Variants in CCL8 observed in about 807,000 individuals in gnomAD.
CCL8 encodes C-C motif chemokine ligand 8.
A neutral mutation model predicts 6.6 loss-of-function variants in CCL8; 3 were observed. That is an observed-to-expected ratio of 0.45 (90% CI 0.21 to 1.17). CCL8 has a LOEUF of 1.17. CCL8 is among the 50% of genes most tolerant of loss of function. CCL8 has a pLI of 0.24. For missense variants in CCL8, 127 were observed against 118.1 expected (o/e 1.08, Z -0.35); for synonymous variants, 49 against 41.8 (o/e 1.17, Z -0.67).
At position 34,320,349 on chromosome 17, in the gene CCL8, A is replaced by G. The variant is rs779598393; in HGVS notation, c.157A>G (p.Arg53Gly). 5.6e-6 allele frequency: 9 copies of G among 1,613,442 alleles called. No individual in the cohort carries two copies. The South Asian group carries it at 8.8e-5, about 16-fold the overall frequency. The change falls in exon 2 of 3, where the codon AGA becomes GGA. Residue 53 changes from arginine (R) to glycine (G), a missense_variant. Physicochemically the swap from Arg to Gly is moderately radical, Grantham distance 125. Coordinates refer to ENST00000394620, the MANE Select transcript of CCL8 (RefSeq NM_005623.3). ...TATCCAGAGGCTGGAGAGCTACACA[A>G]GAATCACCAACATCCAATGTCCCAA... ...IPIQRLESYT[R>G]ITNIQCPKEA...
intron 1 of CCL8, 118 bp downstream of exon 1, chr17:34,319,695 T>G: frequency 2.3e-5 from 17 of 749,552 alleles, no homozygotes; most frequent in Non-Finnish European, 3.3e-5. Flanking sequence ...GCTGGTTCCC[T>G]TGATCTTTCC....
At position 34,319,484 on chromosome 17, in the gene CCL8, A is replaced by G. The variant is rs771679076; in HGVS notation, c.-18A>G. ...ACCTTCACCTCTCATGCTGAAGCTCACACCCTTGCCCTCCAAGATGAAGGT... is the reference window on the plus strand; with the variant it reads ...ACCTTCACCTCTCATGCTGAAGCTCGCACCCTTGCCCTCCAAGATGAAGGT... On this transcript the variant is annotated 5_prime_UTR_variant, in exon 1 of 3. Coordinates refer to ENST00000394620, the MANE Select transcript of CCL8 (RefSeq NM_005623.3). The G allele has an allele frequency of 6.2e-7, 1 of 1,611,834 alleles. No homozygotes were observed. Among genetic ancestry groups the G allele is most frequent in the South Asian group, 1.1e-5 (1 of 91,034 alleles).
rs1402892466 is a variant in CCL8 at position 34,320,356 on chromosome 17, C to G, written c.164C>G (p.Thr55Ser). 1 of 1,612,836 alleles carries G rather than the reference C, an allele frequency of 6.2e-7. No individual in the cohort carries two copies. The stretch of plus-strand genomic sequence containing the variant: ...AGGCTGGAGAGCTACACAAGAATCA[C>G]CAACATCCAATGTCCCAAGGAAGCT... ...IQRLESYTRI[T>S]NIQCPKEAVI... The change falls in exon 2 of 3, where the codon ACC becomes AGC. Residue 55 changes from threonine to serine, a missense_variant. Coordinates refer to ENST00000394620, the MANE Select transcript of CCL8 (RefSeq NM_005623.3).
rs774771162 is a variant in CCL8 at position 34,320,285 on chromosome 17, A to G, written c.93A>G (p.Pro31=). ...TTCTTTCAGATTCAGTTTCCATTCC[A>G]ATCACCTGCTGCTTTAACGTGATCA... ...GLAQPDSVSI[P]ITCCFNVINR... is the part of the protein sequence containing the mutation. Residue 31 remains proline (P), a synonymous_variant, in exon 2 of 3, where the codon CCA becomes CCG. Transcript: ENST00000394620. The G allele has an allele frequency of 1.2e-6, 2 of 1,612,608 alleles. No homozygotes were observed. The highest frequency in any genetic ancestry group is 1.7e-6 in the Non-Finnish European group (2 of 1,178,756).
intron 1 of CCL8, 127 bp from the exon 2 acceptor site, chr17:34,320,142 A>G (rs1909475760): frequency 1.6e-6 from 1 of 643,100 alleles, no homozygotes; most frequent in Non-Finnish European, 2.8e-6. Flanking sequence ...TATCTCTGGG[A>G]TCTGGACTAA....
At position 34,320,789 on chromosome 17, in the gene CCL8, C is replaced by T. The variant is rs778445623; in HGVS notation, c.195-13C>T. ...AAAGTCTTCCATCTAATTGTGCCCT[C>T]TCTCCCCCACAGCTTCAAGACCAAA... On this transcript the variant is annotated splice_polypyrimidine_tract_variant and intron_variant, in intron 2 of 2. Coordinates refer to ENST00000394620, the MANE Select transcript of CCL8 (RefSeq NM_005623.3). 9 of 1,548,100 alleles carry T rather than the reference C, an allele frequency of 5.8e-6. No homozygotes were observed. Among genetic ancestry groups the T allele is most frequent in the South Asian group, 2.3e-5 (2 of 86,924 alleles).
At chr17:34,319,647 T>C (rs1909462341) in intron 1 of CCL8, 70 bp downstream of exon 1, 1 of 1,217,260 alleles carries the variant, frequency 8.2e-7, no homozygotes, top group Non-Finnish European at 1.2e-6. Context: ...CACAGCTCAT[T>C]AGGAACAAAA....
At position 34,319,556 on chromosome 17, in the gene CCL8, C is replaced by A; in HGVS notation, c.55C>A (p.Pro19Thr). 1 of 1,613,780 alleles carries A rather than the reference C, an allele frequency of 6.2e-7. No individual in the cohort carries two copies. The highest frequency in any genetic ancestry group is 1.7e-5 in the Admixed American group (1 of 59,998). Residue 19 changes from proline to threonine, a missense_variant, in exon 1 of 3, where the codon CCT (proline) becomes ACT (threonine). By Grantham distance (38) the Pro-to-Thr change is conservative (BLOSUM62 -1). Transcript: ENST00000394620. The stretch of plus-strand genomic sequence containing the variant: ...GCTGCTCATGGCAGCCACTTTCAGC[C>A]CTCAGGGACTTGCTCAGCCAGGTAA... ...CLLLMAATFS[P>T]QGLAQPDSVS... is the part of the protein sequence containing the mutation.
At chr17:34,320,703 T>C (rs1466834971) in intron 2 of CCL8, 99 bp from the exon 3 acceptor site, 1 of 749,578 alleles carries the variant, frequency 1.3e-6, no homozygotes, top group East Asian at 2.7e-5. Context: ...GTCCTTCACC[T>C]AAGGACCAAG....
In CCL8 at chr17:34,321,172, A is replaced by T; in HGVS notation, c.*265A>T. On this transcript the variant is annotated 3_prime_UTR_variant, in exon 3 of 3. Transcript: ENST00000394620. ...TTGTTTTTGTTTTCCTGTGAGCTCA[A>T]CTAAGTTCACGGCAAAATGTCATTG... 2.9e-6 allele frequency: 1 copy of T among 347,036 alleles called. No individual in the cohort carries two copies. The highest frequency in any genetic ancestry group is 5.1e-6 in the Non-Finnish European group (1 of 194,990). 21.5% of individuals were successfully genotyped at this position (347,036 alleles called of 1,614,324 possible).
rs1447950942 is a variant in CCL8, at chr17:34,321,387, A to G, written c.*480A>G. On this transcript the variant is annotated 3_prime_UTR_variant, in exon 3 of 3. Coordinates refer to ENST00000394620, the MANE Select transcript of CCL8 (RefSeq NM_005623.3). ...AAAAATTTCAAAAAGAAAAAAATAT[A>G]TATAATTTAAAACTACTTAGTCTTA... 6.5e-6 allele frequency: 1 copy of G among 152,760 alleles called. No homozygotes were observed. The highest frequency in any genetic ancestry group is 2.4e-5 in the African/African-American group (1 of 41,460). 9.5% of individuals were successfully genotyped at this position (152,760 alleles called of 1,614,324 possible).
Position 34,319,488 on chromosome 17 carries a change from C to T in CCL8, c.-14C>T, listed in dbSNP as rs1909454981. ...TCACCTCTCATGCTGAAGCTCACAC[C>T]CTTGCCCTCCAAGATGAAGGTTTCT... On this transcript the variant is annotated 5_prime_UTR_variant, in exon 1 of 3. Transcript: ENST00000394620. The T allele has an allele frequency of 6.2e-7, 1 of 1,613,142 alleles. No homozygotes were observed. Among genetic ancestry groups the T allele is most frequent in the South Asian group, 1.1e-5 (1 of 91,058 alleles).
chr17:34,320,739 G>A lies in CCL8; in HGVS notation c.195-63G>A, dbSNP rs539077789. The A allele has an allele frequency of 5.9e-4, 616 of 1,052,004 alleles. 12 individuals carry two copies. In the South Asian group the frequency reaches 8.4e-3, roughly 14 times the overall value. 65.2% of individuals were successfully genotyped at this position (1,052,004 alleles called of 1,614,324 possible). ...GGCTGATCAGTTCTAGGGACCAATGGCCCACAGTCCTGTGCAGGATCTTCA... is the reference window on the plus strand; with the variant it reads ...GGCTGATCAGTTCTAGGGACCAATGACCCACAGTCCTGTGCAGGATCTTCA... On this transcript the variant is annotated intron_variant, in intron 2 of 2. Transcript: ENST00000394620.
rs1909500604 is a variant in CCL8, at chr17:34,320,828, T to A, written c.221T>A (p.Val74Asp). 6.2e-7 allele frequency: 1 copy of A among 1,607,722 alleles called. No homozygotes were observed. Among genetic ancestry groups the A allele is most frequent in the South Asian group, 1.1e-5 (1 of 89,916 alleles). The change falls in exon 3 of 3, where the codon GTC (valine) becomes GAC (aspartate). Residue 74 changes from valine to aspartate, a missense_variant. By Grantham distance (152) the Val-to-Asp change is radical. Coordinates refer to ENST00000394620, the MANE Select transcript of CCL8 (RefSeq NM_005623.3). ...TTCAAGACCAAACGGGGCAAGGAGG[T>A]CTGTGCTGACCCCAAGGAGAGATGG... ...VIFKTKRGKE[V>D]CADPKERWVR...
chr17:34,320,691 G>T (rs909261186), intron 2 of CCL8, 111 bp from the exon 3 acceptor site: 1 of 665,728 alleles, frequency 1.5e-6, no homozygotes, highest in Non-Finnish European at 2.6e-6. Context: ...TCCCGGGTCC[G>T]GGTCCTTCAC....
At position 34,319,705 on chromosome 17, in the gene CCL8, C is replaced by G. The variant is rs1198737792; in HGVS notation, c.76+128C>G. ...CTGAGGCTGGTTCCCTTGATCTTTC[C>G]TGACCCCAGTTTTGGGAGGAGACAG... On this transcript the variant is annotated intron_variant, in intron 1 of 2. Transcript: ENST00000394620. 3 of 671,978 alleles carry G rather than the reference C, an allele frequency of 4.5e-6. No individual in the cohort carries two copies. In the African/African-American group the frequency reaches 5.5e-5, roughly 12 times the overall value. The allele number at this position is 671,978 out of a possible 1,614,324, so 41.6% of individuals were successfully genotyped here. A position where few individuals can be genotyped will look rare whatever the true frequency, so the allele number is the denominator to read the frequency against.
chr17:34,321,123 T>C lies in CCL8; in HGVS notation c.*216T>C, dbSNP rs1909513016. 1 of 449,016 alleles carries C rather than the reference T, an allele frequency of 2.2e-6. No homozygotes were observed. Among genetic ancestry groups the C allele is most frequent in the African/African-American group, 2.1e-5 (1 of 48,020 alleles). 27.8% of individuals were successfully genotyped at this position (449,016 alleles called of 1,614,324 possible). On this transcript the variant is annotated 3_prime_UTR_variant, in exon 3 of 3. Transcript: ENST00000394620. ...GTCATACATCCTAGTGAATGTAAAA[T>C]GCAAAATCCTGGTGATGTGTTTTTT...
At chr17:34,320,004 T>C (rs528782850) in intron 1 of CCL8, among the ~76,000 whole-genome samples, 8 of 152,186 alleles carry the variant, frequency 5.3e-5, no homozygotes, top group Non-Finnish European at 1.2e-4. Flanking sequence ...TTGGAACTTA[T>C]GTTCCCAGTG....
At chr17:34,319,978 A>T (rs1265399505) in intron 1 of CCL8, among the ~76,000 whole-genome samples, 1 of 152,196 alleles carries the variant, frequency 6.6e-6, no homozygotes, top group African/African-American at 2.4e-5. Context: ...AGGATGAAAG[A>T]CTGGGAAGCA....
Sources: gnomAD v4.1 joint callset for allele counts (sites outside exome capture counted in the v4.1 genomes callset) on GRCh38, gnomAD v4.1.1 for gene constraint, MANE v1.5 for transcripts, NCBI Gene and HGNC (gene_info 2026-07-23, HGNC 2026-07-21) for gene names.